The following ATL1 variants were observed in gnomAD, a reference collection of about 807,000 sequenced individuals.
The protein encoded by ATL1 is atlastin-1.
A neutral mutation model predicts 75.5 loss-of-function variants in ATL1; 31 were observed. The ratio of observed to expected loss-of-function variants is 0.41; its 90% CI spans 0.31 to 0.55. ATL1 has a LOEUF of 0.55. Among genes scored for constraint, ATL1 ranks in the 20% least tolerant of loss-of-function variants. ATL1 has a pLI of 0.27. For synonymous variants in ATL1, 226 were observed against 233.3 expected (o/e 0.97, Z 0.28); for missense variants, 405 against 662.6 (o/e 0.61, Z 4.27).
chr14:50,538,285 C>T (rs2038518739), intron 1 of ATL1, among the ~76,000 whole-genome samples: 1 of 152,202 alleles, frequency 6.6e-6, no homozygotes, highest in Admixed American at 6.5e-5. Flanking sequence ...GTGAGGCTTT[C>T]CCTGCCACAT....
At chr14:50,628,919 T>A (rs1045268831) in intron 12 of ATL1, among the ~76,000 whole-genome samples, 1 of 152,134 alleles carries the variant, frequency 6.6e-6, no homozygotes, top group African/African-American at 2.4e-5. Context: ...GGTTTCACCA[T>A]GTTGGCCAGG....
At chr14:50,545,579 A>C (rs552119745) in intron 1 of ATL1, among the ~76,000 whole-genome samples, 1 of 152,232 alleles carries the variant, frequency 6.6e-6, no homozygotes, top group Non-Finnish European at 1.5e-5. Context: ...GTTAAAGTAC[A>C]ATAAGAATAG....
intron 1 of ATL1, among the ~76,000 whole-genome samples, chr14:50,548,812 G>C (rs551867141): frequency 6.6e-6 from 1 of 152,030 alleles, no homozygotes; most frequent in African/African-American, 2.4e-5. Flanking sequence ...ACCCGGCCTG[G>C]TCTCAATTAT....
In ATL1 at chr14:50,621,917, G is replaced by A. The variant is rs746881198; in HGVS notation, c.1047+18G>A. 11 of 1,565,522 alleles carry A rather than the reference G, an allele frequency of 7.0e-6. No individual in the cohort carries two copies. The highest frequency in any genetic ancestry group is 9.7e-6 in the Non-Finnish European group (11 of 1,137,144). The stretch of plus-strand genomic sequence containing the variant: ...TGTTACAGGTATTTATTAATGAGGA[G>A]GCATGTTTTAAGACACGTGACTAAG... On this transcript the variant is annotated intron_variant, in intron 10 of 13. Coordinates refer to ENST00000358385, the MANE Select transcript of ATL1 (RefSeq NM_015915.5).
chr14:50,631,194 T>C (rs568215609), intron 13 of ATL1: 7 of 187,664 alleles, frequency 3.7e-5, no homozygotes, highest in East Asian at 1.6e-4. Flanking sequence ...TGGGAGGAGG[T>C]TGCAGTGAGC....
chr14:50,542,047 A>G (rs1255842234), intron 1 of ATL1, among the ~76,000 whole-genome samples: 1 of 126,816 alleles, frequency 7.9e-6, no homozygotes, highest in Non-Finnish European at 1.7e-5. Flanking sequence ...AAAAAAAAAA[A>G]AGAATATGCT....
intron 1 of ATL1, 87 bp from the exon 2 acceptor site, chr14:50,587,744 G>C (rs2039115798): frequency 1.0e-5 from 16 of 1,554,946 alleles, no homozygotes; most frequent in Non-Finnish European, 1.4e-5. Context: ...ATGCTCCTGT[G>C]TCGGATGTTT....
In ATL1 at chr14:50,564,928, C is replaced by T. The variant is rs535720001; in HGVS notation, c.34+4629C>T. Among the ~76,000 whole-genome samples the T allele has an allele frequency of 5.3e-5, 8 of 151,942 alleles. No homozygotes were observed. In the South Asian group the frequency reaches 8.4e-4, roughly 16 times the overall value. On this transcript the variant is annotated intron_variant, in intron 1 of 13. Transcript: ENST00000358385. ...TATTCTATTTTTCTTGAAATGAGAC[C>T]GTCTGTCCCTTTTTACCTACCTCAT...
chr14:50,560,988 G>A (rs1391850851), intron 1 of ATL1: 1 of 152,946 alleles, frequency 6.5e-6, no homozygotes, highest in East Asian at 1.9e-4. Flanking sequence ...CCACCCCGAC[G>A]TGGTACCCCA....
intron 1 of ATL1, among the ~76,000 whole-genome samples, chr14:50,547,107 A>T (rs1411501059): frequency 6.6e-6 from 1 of 152,200 alleles, no homozygotes; most frequent in Non-Finnish European, 1.5e-5. Flanking sequence ...TGAACATCTT[A>T]TATTTACAGG....
At position 50,576,856 on chromosome 14, in the gene ATL1, T is replaced by A. The variant is rs143991614; in HGVS notation, c.35-10975T>A. Among the ~76,000 whole-genome samples the A allele has an allele frequency of 2.0e-5, 3 of 152,072 alleles. No individual in the cohort carries two copies. In the East Asian group the frequency reaches 5.8e-4, roughly 30 times the overall value. ...CTTCCCAAAGTGCTGGGATTACAGA[T>A]ATGAGCCACCATGCCCAGCCTATTT... On this transcript the variant is annotated intron_variant, in intron 1 of 13. Transcript: ENST00000358385.
At chr14:50,546,385 T>A (rs1595569081) in intron 1 of ATL1, among the ~76,000 whole-genome samples, 1 of 151,888 alleles carries the variant, frequency 6.6e-6, no homozygotes, top group East Asian at 1.9e-4. Flanking sequence ...TGTGTGCGTG[T>A]GTGTGTGTGA....
At chr14:50,534,534 A>G (rs1471045109) in intron 1 of ATL1, among the ~76,000 whole-genome samples, 2 of 152,256 alleles carry the variant, frequency 1.3e-5, no homozygotes, top group East Asian at 3.8e-4. Context: ...CAGCATTTAA[A>G]ATGAATTAGG....
At chr14:50,612,138 C>T (rs2039372149) in intron 6 of ATL1, among the ~76,000 whole-genome samples, 1 of 152,040 alleles carries the variant, frequency 6.6e-6, no homozygotes, top group African/African-American at 2.4e-5. Flanking sequence ...GTGACAGAAG[C>T]TAGACCAAAA....
At chr14:50,589,000 A>T (rs2039128339) in intron 2 of ATL1, among the ~76,000 whole-genome samples, 1 of 152,200 alleles carries the variant, frequency 6.6e-6, no homozygotes, top group Admixed American at 6.5e-5. Context: ...AGATTGTGCT[A>T]GGCACTATGG....
At chr14:50,626,691 T>C (rs936176512) in intron 11 of ATL1, among the ~76,000 whole-genome samples, 4 of 152,252 alleles carry the variant, frequency 2.6e-5, no homozygotes, top group Admixed American at 6.5e-5. Context: ...ATCCATATAA[T>C]GTGTAAAGAT....
intron 8 of ATL1, among the ~76,000 whole-genome samples, 170 bp from the exon 9 acceptor site, chr14:50,620,429 A>G (rs2039456535): frequency 6.6e-6 from 1 of 152,306 alleles, no homozygotes; most frequent in South Asian, 2.1e-4. Flanking sequence ...GGCAAGGAGA[A>G]TCATTCACTG....
chr14:50,562,326 G>A (rs986967059), intron 1 of ATL1, among the ~76,000 whole-genome samples: 6 of 152,148 alleles, frequency 3.9e-5, no homozygotes, highest in African/African-American at 9.7e-5. Flanking sequence ...TTACAGGAGC[G>A]AGCCACCATT....
intron 1 of ATL1, among the ~76,000 whole-genome samples, chr14:50,545,280 A>G (rs1055736566): frequency 5.9e-5 from 9 of 152,206 alleles, no homozygotes; most frequent in African/African-American, 1.9e-4. Flanking sequence ...CTACTTGCCA[A>G]TCTGAACTGT....
Sources: gnomAD v4.1 joint callset for allele counts (sites outside exome capture counted in the v4.1 genomes callset) on GRCh38, gnomAD v4.1.1 for gene constraint, MANE v1.5 for transcripts, NCBI Gene and HGNC (gene_info 2026-07-23, HGNC 2026-07-21) for gene names.